The following HABP4 variants were observed in gnomAD, a reference collection of about 807,000 sequenced individuals.
HABP4 encodes the protein hyaluronan binding protein 4.
In HABP4, 32 loss-of-function variants were observed where a neutral mutation model predicts 44.1. The ratio of observed to expected loss-of-function variants is 0.73; its 90% CI spans 0.55 to 0.97. The LOEUF (loss-of-function observed/expected upper bound fraction) is 0.97, where lower values mean the gene tolerates loss of function less well. Ranked by LOEUF, HABP4 falls within the 50% of genes least tolerant of loss-of-function variation. HABP4 has a pLI of 0.00. For missense variants in HABP4, 503 were observed against 561.9 expected (o/e 0.90, Z 1.06); for synonymous variants, 216 against 218.0 (o/e 0.99, Z 0.08).
At chr9:96,487,493 T>C (rs1416453601) in intron 6 of HABP4, among the ~76,000 whole-genome samples, 1 of 152,238 alleles carries the variant, frequency 6.6e-6, no homozygotes, top group Non-Finnish European at 1.5e-5. Context: ...CAGGTAACCA[T>C]ACTCTTGTTT....
At chr9:96,484,709 T>C in intron 6 of HABP4, 76 bp downstream of exon 6, 1 of 806,386 alleles carries the variant, frequency 1.2e-6, no homozygotes, top group Non-Finnish European at 2.1e-6. Context: ...TTTCCACTTC[T>C]GTCTTGAAAA....
At position 96,450,540 on chromosome 9, in the gene HABP4, C is replaced by CCGGAGGGAGTCG. The variant is rs1368911122; in HGVS notation, c.263_274dup (p.Arg88_Ser91dup). 1.6e-6 allele frequency: 2 copies of CCGGAGGGAGTCG among 1,248,606 alleles called. No individual in the cohort carries two copies. The highest frequency in any genetic ancestry group is 8.3e-5 in the Admixed American group (2 of 24,160). 77.3% of individuals were successfully genotyped at this position (1,248,606 alleles called of 1,614,324 possible). On this transcript the variant is annotated inframe_insertion, in exon 1 of 8. Transcript: ENST00000375249. The surrounding 1 kb of genome is among the most constrained non-coding windows in gnomAD (Gnocchi z 4.8). Reference sequence around the variant, plus strand: ...CGGGCCACAGAGCCGGCGCGGGCGGCCGGAGGGAGTCGCAGAAGGAGCGCA... The same window carrying CCGGAGGGAGTCG: ...CGGGCCACAGAGCCGGCGCGGGCGGCCGGAGGGAGTCGCGGAGGGAGTCGCAGAAGGAGCGCA...
At position 96,489,964 on chromosome 9, in the gene HABP4, ATTTCTTTT is replaced by A. The variant is rs759551644; in HGVS notation, c.1186-10_1186-3del. On this transcript the variant is annotated splice_polypyrimidine_tract_variant and intron_variant, in intron 7 of 7. Coordinates refer to ENST00000375249, the MANE Select transcript of HABP4 (RefSeq NM_014282.4). ...ATGAAGGGGCAGTGGATTTCAAAGT[ATTTCTTTT>A]TTTCTTTAGATGCAAGATGTTGCCC... 1.3e-6 allele frequency: 2 copies of A among 1,501,928 alleles called. No homozygotes were observed. The highest frequency in any genetic ancestry group is 1.9e-6 in the Non-Finnish European group (2 of 1,077,596). 93.0% of individuals were successfully genotyped at this position (1,501,928 alleles called of 1,614,324 possible).
rs773893670 is a variant in HABP4 at position 96,465,349 on chromosome 9, G to A, written c.525G>A (p.Arg175=). 1 of 1,608,976 alleles carries A rather than the reference G, an allele frequency of 6.2e-7. No individual in the cohort carries two copies. The highest frequency in any genetic ancestry group is 2.2e-5 in the East Asian group (1 of 44,862). The change falls in exon 3 of 8, where the codon AGG becomes AGA. Residue 175 remains arginine, a synonymous_variant. Coordinates refer to ENST00000375249, the MANE Select transcript of HABP4 (RefSeq NM_014282.4). ...CACTCCTTCCTAGACCAGGTGATAGGTTTGATCGAGACAGACCGTTGAGAG... is the reference window on the plus strand; with the variant it reads ...CACTCCTTCCTAGACCAGGTGATAGATTTGATCGAGACAGACCGTTGAGAG... ...EKFPDEKPGD[R]FDRDRPLRGR... is the part of the protein sequence containing the mutation.
At chr9:96,455,714 C>T (rs1753410882) in intron 1 of HABP4, among the ~76,000 whole-genome samples, 1 of 151,294 alleles carries the variant, frequency 6.6e-6, no homozygotes, top group African/African-American at 2.4e-5. Flanking sequence ...AGCAGTGAGC[C>T]GAGATGGTGC....
chr9:96,479,391 A>G (rs1212655207), intron 5 of HABP4, among the ~76,000 whole-genome samples: 1 of 151,998 alleles, frequency 6.6e-6, no homozygotes, highest in Non-Finnish European at 1.5e-5. Flanking sequence ...AGTTTCATAA[A>G]CATTTAGGTT....
At chr9:96,474,743 T>C (rs915026891) in intron 5 of HABP4, among the ~76,000 whole-genome samples, 2 of 152,190 alleles carry the variant, frequency 1.3e-5, no homozygotes, top group African/African-American at 2.4e-5. Context: ...GAGAAATACA[T>C]TGAGTGATAG....
chr9:96,476,948 T>C (rs941724490), intron 5 of HABP4, among the ~76,000 whole-genome samples: 1 of 152,256 alleles, frequency 6.6e-6, no homozygotes, highest in African/African-American at 2.4e-5. Context: ...CTGATACTGC[T>C]GAAGGAGGCT....
Position 96,484,534 on chromosome 9 carries a change from A to G in HABP4, c.900A>G (p.Gln300=). 6.3e-7 allele frequency: 1 copy of G among 1,586,682 alleles called. No homozygotes were observed. The highest frequency in any genetic ancestry group is 1.1e-5 in the South Asian group (1 of 90,498). ...CTTTAGATGAGTGGAAAAATCTTCA[A>G]GAACAGACCAGACCAAAGCCTGAGT... ...EMTLDEWKNL[Q]EQTRPKPEFN... Residue 300 remains glutamine, a synonymous_variant, in exon 6 of 8, where the codon CAA becomes CAG. Transcript: ENST00000375249.
At chr9:96,453,937 G>C (rs1199882382) in intron 1 of HABP4, among the ~76,000 whole-genome samples, 1 of 152,158 alleles carries the variant, frequency 6.6e-6, no homozygotes, top group African/African-American at 2.4e-5. Context: ...AGGAGAACGA[G>C]ATGTTTGCCC....
At chr9:96,458,350 A>AGCTCTCT (rs765671237) in intron 1 of HABP4, 29 bp from the exon 2 acceptor site, 1 of 1,607,556 alleles carries the variant, frequency 6.2e-7, no homozygotes, top group Non-Finnish European at 8.5e-7. Flanking sequence ...GTTGTGTTCC[A>AGCTCTCT]GCTCTCTGCT....
chr9:96,484,526 A>C lies in HABP4; in HGVS notation c.892A>C (p.Asn298His). 6.3e-7 allele frequency: 1 copy of C among 1,587,656 alleles called. No individual in the cohort carries two copies. Among genetic ancestry groups the C allele is most frequent in the South Asian group, 1.1e-5 (1 of 90,548 alleles). Reference sequence around the variant, plus strand: ...AGAGATGACTTTAGATGAGTGGAAAAATCTTCAAGAACAGACCAGACCAAA... The same window carrying C: ...AGAGATGACTTTAGATGAGTGGAAACATCTTCAAGAACAGACCAGACCAAA... Reference protein sequence around the residue: ...VQEMTLDEWKNLQEQTRPKPE... With the variant: ...VQEMTLDEWKHLQEQTRPKPE... Residue 298 changes from asparagine (N) to histidine (H), a missense_variant, in exon 6 of 8, where the codon AAT (asparagine) becomes CAT (histidine). Coordinates refer to ENST00000375249, the MANE Select transcript of HABP4 (RefSeq NM_014282.4).
chr9:96,455,602 A>AT (rs1272213548), intron 1 of HABP4, among the ~76,000 whole-genome samples: 1 of 151,404 alleles, frequency 6.6e-6, no homozygotes, highest in African/African-American at 2.4e-5. Context: ...CATCTCTATT[A>AT]AAACTACAAA....
chr9:96,470,986 T>C (rs1320194435), intron 4 of HABP4, 25 bp from the exon 5 acceptor site: 1 of 1,350,560 alleles, frequency 7.4e-7, no homozygotes, highest in South Asian at 1.2e-5. Context: ...TTTGTGTGAC[T>C]AGAGAGGGTC....
At chr9:96,466,326 C>T (rs953773808) in intron 4 of HABP4, among the ~76,000 whole-genome samples, 1 of 152,154 alleles carries the variant, frequency 6.6e-6, no homozygotes, top group African/African-American at 2.4e-5. Context: ...GCCGAGATGG[C>T]ACCACTGCTC....
At chr9:96,454,064 A>G (rs1302959653) in intron 1 of HABP4, among the ~76,000 whole-genome samples, 1 of 152,204 alleles carries the variant, frequency 6.6e-6, no homozygotes, top group Non-Finnish European at 1.5e-5. Flanking sequence ...AACAGTTTTC[A>G]GTTTTATACT....
intron 4 of HABP4, among the ~76,000 whole-genome samples, chr9:96,467,492 CTTTCTCTTTTTCTTTTTCTTTCTTTCTT>C (rs1377601886): frequency 5.7e-4 from 85 of 148,386 alleles, no homozygotes; most frequent in African/African-American, 2.1e-3. Context: ...CTTTCTTTCT[CTTTCTCTTTTTCTTTTTCTTTCTTTCTT>C]TTTTTCCTTT....
chr9:96,458,808 G>C (rs1296777871), intron 2 of HABP4, among the ~76,000 whole-genome samples: 1 of 152,004 alleles, frequency 6.6e-6, no homozygotes, highest in East Asian at 1.9e-4. Flanking sequence ...TTTTAGTAGA[G>C]ACGGGGTTTC....
intron 1 of HABP4, among the ~76,000 whole-genome samples, chr9:96,453,602 T>C (rs1186076010): frequency 6.6e-6 from 1 of 152,242 alleles, no homozygotes; most frequent in Non-Finnish European, 1.5e-5. Context: ...ATTCTTAAAG[T>C]CATGAGAGGC....
Sources: gnomAD v4.1 joint callset for allele counts (sites outside exome capture counted in the v4.1 genomes callset) on GRCh38, gnomAD v4.1.1 for gene constraint, Gnocchi (gnomAD v3.1) non-coding constraint, MANE v1.5 for transcripts, NCBI Gene and HGNC (gene_info 2026-07-23, HGNC 2026-07-21) for gene names.